SLC24A3: variants seen among roughly 807,000 people sequenced by gnomAD.
The protein encoded by SLC24A3 is sodium/potassium/calcium exchanger 3.
In SLC24A3, 28 loss-of-function variants were observed where a neutral mutation model predicts 75.8. That is an observed-to-expected ratio of 0.37 (90% CI 0.27 to 0.51). The LOEUF is 0.51. SLC24A3 is among the 20% of genes least tolerant of loss of function. The pLI, the probability that SLC24A3 is intolerant of heterozygous loss-of-function variation, is 0.94. For synonymous variants in SLC24A3, 372 were observed against 334.1 expected, an observed-to-expected ratio of 1.11 and a Z score of -1.24; for missense variants, 663 against 847.8, an observed-to-expected ratio of 0.78 and a Z score of 2.71.
intron 15 of SLC24A3, among the ~76,000 whole-genome samples, chr20:19,701,944 T>C (rs1471419769): frequency 6.6e-6 from 1 of 152,210 alleles, no homozygotes; most frequent in Middle Eastern, 3.2e-3. Context: ...TGAGAAACTT[T>C]CAATGTCCTT....
chr20:19,292,589 G>A (rs969952854), intron 2 of SLC24A3, among the ~76,000 whole-genome samples: 1 of 152,108 alleles, frequency 6.6e-6, no homozygotes, highest in Non-Finnish European at 1.5e-5. Flanking sequence ...GAAAAATCAC[G>A]GATGATGGGG....
At chr20:19,441,471 A>G (rs1006785004) in intron 2 of SLC24A3, among the ~76,000 whole-genome samples, 3 of 152,206 alleles carry the variant, frequency 2.0e-5, no homozygotes, top group African/African-American at 7.2e-5. Context: ...CCTCCAGGGA[A>G]CAGAAATATA....
intron 2 of SLC24A3, among the ~76,000 whole-genome samples, chr20:19,386,839 A>T (rs959611630): frequency 1.2e-4 from 18 of 152,138 alleles, no homozygotes; most frequent in African/African-American, 4.3e-4. Flanking sequence ...GGATTTTTGC[A>T]TCTATGCTCA....
chr20:19,645,180 CTA>C (rs956803863), intron 6 of SLC24A3, among the ~76,000 whole-genome samples: 10 of 152,124 alleles, frequency 6.6e-5, no homozygotes, highest in African/African-American at 2.2e-4. Context: ...GTTTTGATGA[CTA>C]GATTTCAATA....
At chr20:19,697,089 G>A (rs1029084038) in intron 14 of SLC24A3, among the ~76,000 whole-genome samples, 178 bp downstream of exon 14, 2 of 151,934 alleles carry the variant, frequency 1.3e-5, no homozygotes, top group South Asian at 2.1e-4. Context: ...GAAGTCAGGC[G>A]GGCAGGCGGG....
intron 15 of SLC24A3, among the ~76,000 whole-genome samples, chr20:19,716,899 T>C (rs942443222): frequency 3.9e-5 from 6 of 152,086 alleles, no homozygotes; most frequent in Admixed American, 3.3e-4. Flanking sequence ...ACTCCAAATA[T>C]GCTTCTCTTT....
intron 2 of SLC24A3, among the ~76,000 whole-genome samples, chr20:19,390,683 A>C (rs1249899717): frequency 6.6e-6 from 1 of 152,184 alleles, no homozygotes; most frequent in Non-Finnish European, 1.5e-5. Flanking sequence ...CCTGGAGCCT[A>C]CATTTGCTGA....
chr20:19,592,796 T>TA (rs2031396740), intron 6 of SLC24A3, among the ~76,000 whole-genome samples: 2 of 144,400 alleles, frequency 1.4e-5, no homozygotes, highest in African/African-American at 2.6e-5. Context: ...TTTCTTTCTT[T>TA]CTTTTTTTTT....
intron 2 of SLC24A3, among the ~76,000 whole-genome samples, chr20:19,346,386 A>G (rs190688965): frequency 1.7e-4 from 23 of 139,106 alleles, no homozygotes; most frequent in East Asian, 1.1e-3. Context: ...TATATATGGT[A>G]TATATATGGT....
chr20:19,388,909 C>T (rs568485351), intron 2 of SLC24A3, among the ~76,000 whole-genome samples: 26 of 151,802 alleles, frequency 1.7e-4, no homozygotes, highest in Admixed American at 1.4e-3. Context: ...GCTCTTTTGC[C>T]GTTCCTTTAT....
rs1485697857 is a variant in SLC24A3, at chr20:19,564,155, C to T, written c.349-15845C>T. On this transcript the variant is annotated intron_variant, in intron 3 of 16. Coordinates refer to ENST00000328041, the MANE Select transcript of SLC24A3 (RefSeq NM_020689.4). The stretch of plus-strand genomic sequence containing the variant: ...TTACCTGGGATCAGAAGAACTCCCA[C>T]AGGGTATGGCACTGGGGTTTAGAGG... Among the ~76,000 whole-genome samples the T allele has an allele frequency of 2.0e-5, 3 of 152,178 alleles. No individual in the cohort carries two copies. In the South Asian group the frequency reaches 6.2e-4, roughly 32 times the overall value.
intron 1 of SLC24A3, among the ~76,000 whole-genome samples, chr20:19,279,029 C>G (rs1184551033): frequency 1.3e-5 from 2 of 152,212 alleles, no homozygotes; most frequent in East Asian, 3.9e-4. Flanking sequence ...GAGTACCTAC[C>G]CTGAGCCAGC....
At chr20:19,647,118 G>A (rs1017206605) in intron 6 of SLC24A3, among the ~76,000 whole-genome samples, 1 of 152,050 alleles carries the variant, frequency 6.6e-6, no homozygotes. Context: ...AATGACCGAT[G>A]GAAGTGGGTG....
chr20:19,355,063 G>A (rs1985653164), intron 2 of SLC24A3: 3 of 152,140 alleles, frequency 2.0e-5, no homozygotes, highest in Admixed American at 2.0e-4. Flanking sequence ...GTTTCATCTT[G>A]GCTTCCTTAT....
intron 6 of SLC24A3, among the ~76,000 whole-genome samples, chr20:19,650,220 G>A (rs2032186474): frequency 6.6e-6 from 1 of 152,118 alleles, no homozygotes; most frequent in Non-Finnish European, 1.5e-5. Context: ...ATATGCGGCT[G>A]AAATTTGATT....
chr20:19,543,747 T>C (rs1022431364), intron 3 of SLC24A3, among the ~76,000 whole-genome samples: 1 of 152,244 alleles, frequency 6.6e-6, no homozygotes, highest in East Asian at 1.9e-4. Context: ...GTTGAATTGC[T>C]AAATAAACTA....
intron 2 of SLC24A3, among the ~76,000 whole-genome samples, chr20:19,423,593 G>C (rs949387041): frequency 6.6e-6 from 1 of 152,128 alleles, no homozygotes; most frequent in Non-Finnish European, 1.5e-5. Context: ...CGAACTTATT[G>C]GTTTTCCAGA....
chr20:19,213,107 G>A (rs1326649433), intron 1 of SLC24A3, 123 bp downstream of exon 1: 2 of 1,097,552 alleles, frequency 1.8e-6, no homozygotes, highest in Non-Finnish European at 2.3e-6. Flanking sequence ...GGCTGGGTTG[G>A]CGGGGGGAGT....
chr20:19,527,389 A>C (rs1245701805), intron 3 of SLC24A3, among the ~76,000 whole-genome samples: 1 of 152,174 alleles, frequency 6.6e-6, no homozygotes, highest in Non-Finnish European at 1.5e-5. Context: ...AAGTGTGCTT[A>C]AGATCTTGGT....
Sources: allele counts gnomAD v4.1 joint callset (sites outside exome capture counted in the v4.1 genomes callset), GRCh38; gene constraint gnomAD v4.1.1; transcripts MANE v1.5; gene names NCBI Gene and HGNC (gene_info 2026-07-23, HGNC 2026-07-21).